SCG3: variants seen among roughly 807,000 people sequenced by gnomAD.
The protein encoded by SCG3 is secretogranin-3.
SCG3 carries 38 observed loss-of-function variants against 56.2 expected under a neutral mutation model. That is an observed-to-expected ratio of 0.68 (90% CI 0.52 to 0.89). SCG3 has a LOEUF of 0.89. SCG3 is among the 40% of genes least tolerant of loss of function. The pLI, the probability that SCG3 is intolerant of heterozygous loss-of-function variation, is 0.00. For missense variants in SCG3, 524 were observed against 540.7 expected, an observed-to-expected ratio of 0.97 and a Z score of 0.31; for synonymous variants, 176 against 184.2, an observed-to-expected ratio of 0.96 and a Z score of 0.36.
In SCG3 at chr15:51,683,257, A is replaced by G. The variant is rs751694492; in HGVS notation, c.220A>G (p.Asn74Asp). The change falls in exon 4 of 12, where the codon AAC becomes GAC. Residue 74 changes from asparagine (N) to aspartate (D), a missense_variant. Transcript: ENST00000220478. ...TCAGAGCAACTATTCTTTTGTTGAT[A>G]ACTTGAACCTGCTAAAGGCAATAAC... is the stretch of plus-strand genomic sequence containing the variant. ...PGQSNYSFVD[N>D]LNLLKAITEK... is the part of the protein sequence containing the mutation. 1.2e-6 allele frequency: 2 copies of G among 1,613,880 alleles called. No homozygotes were observed. Among genetic ancestry groups the G allele is most frequent in the East Asian group, 2.2e-5 (1 of 44,836 alleles).
chr15:51,699,232 T>C (rs2055323812), intron 8 of SCG3, 87 bp from the exon 9 acceptor site: 6 of 925,178 alleles, frequency 6.5e-6, no homozygotes, highest in Non-Finnish European at 1.0e-5. Flanking sequence ...TATTGTGATA[T>C]TTCTGGTGAG....
chr15:51,703,513 C>T (rs2055351659), intron 10 of SCG3, among the ~76,000 whole-genome samples: 1 of 152,140 alleles, frequency 6.6e-6, no homozygotes, highest in Non-Finnish European at 1.5e-5. Context: ...GCAGTGGGAG[C>T]TCCCTAAATT....
chr15:51,704,916 C>T (rs539791048), intron 10 of SCG3, among the ~76,000 whole-genome samples: 1 of 151,624 alleles, frequency 6.6e-6, no homozygotes, highest in South Asian at 2.1e-4. Flanking sequence ...TTTTCTGTAG[C>T]AGCTGCACCA....
chr15:51,684,533 C>T (rs2124590), intron 4 of SCG3, among the ~76,000 whole-genome samples: 1,633 of 152,292 alleles, frequency 0.011, 33 homozygotes, highest in East Asian at 0.094. Context: ...GCCAAGACCA[C>T]GCCACTGCAC....
chr15:51,683,311 C>A lies in SCG3; in HGVS notation c.274C>A (p.Gln92Lys). The A allele has an allele frequency of 6.2e-7, 1 of 1,613,402 alleles. No individual in the cohort carries two copies. Among genetic ancestry groups the A allele is most frequent in the Non-Finnish European group, 8.5e-7 (1 of 1,179,472 alleles). Residue 92 changes from glutamine to lysine, a missense_variant, in exon 4 of 12, where the codon CAA (glutamine) becomes AAA (lysine). By Grantham distance (53) the Gln-to-Lys change is moderately conservative (BLOSUM62 1). Coordinates refer to ENST00000220478, the MANE Select transcript of SCG3 (RefSeq NM_013243.4). ...AAAGGAAAAAATTGAGAAAGAAAGACAATCTATAAGAAGCTCCCCACTTGA... is the reference window on the plus strand; with the variant it reads ...AAAGGAAAAAATTGAGAAAGAAAGAAAATCTATAAGAAGCTCCCCACTTGA... ...TEKEKIEKERQSIRSSPLDNK... is the reference protein window; with the variant it reads ...TEKEKIEKERKSIRSSPLDNK...
chr15:51,693,975 T>C (rs1447350950), intron 7 of SCG3: 1 of 152,260 alleles, frequency 6.6e-6, no homozygotes, highest in Non-Finnish European at 1.5e-5. Flanking sequence ...TTACTATTTA[T>C]CAGTTCTTTT....
intron 11 of SCG3, among the ~76,000 whole-genome samples, chr15:51,716,745 T>G (rs28654101): frequency 0.22 from 34,021 of 152,226 alleles, 4,407 homozygotes; most frequent in Non-Finnish European, 0.28. Flanking sequence ...CACTAGCTGG[T>G]TGTCCGCTGA....
chr15:51,709,723 T>A (rs2055406244), intron 10 of SCG3, among the ~76,000 whole-genome samples: 2 of 66,510 alleles, frequency 3.0e-5, no homozygotes, highest in East Asian at 5.7e-4. Context: ...TTTTTTTTTT[T>A]TTTTTTTTTT....
chr15:51,717,679 G>A (rs1255859295), intron 11 of SCG3, among the ~76,000 whole-genome samples: 1 of 152,208 alleles, frequency 6.6e-6, no homozygotes, highest in Non-Finnish European at 1.5e-5. Context: ...TGAAGTGCAG[G>A]AGCTTCCATC....
At chr15:51,710,510 T>G (rs2055413854) in intron 10 of SCG3, among the ~76,000 whole-genome samples, 1 of 152,194 alleles carries the variant, frequency 6.6e-6, no homozygotes, top group Non-Finnish European at 1.5e-5. Flanking sequence ...ATTACATACT[T>G]TTTAAAATTC....
At chr15:51,696,299 C>T (rs2055303337) in intron 8 of SCG3, among the ~76,000 whole-genome samples, 1 of 152,140 alleles carries the variant, frequency 6.6e-6, no homozygotes, top group African/African-American at 2.4e-5. Context: ...CCTGTAATCC[C>T]AGCACTTTGG....
intron 11 of SCG3, among the ~76,000 whole-genome samples, chr15:51,717,231 G>A (rs1225653700): frequency 6.6e-6 from 1 of 152,140 alleles, no homozygotes; most frequent in Non-Finnish European, 1.5e-5. Context: ...AGCTGGGCGT[G>A]GTGGCACGTG....
intron 8 of SCG3, among the ~76,000 whole-genome samples, chr15:51,698,162 T>G (rs1308156389): frequency 6.6e-6 from 1 of 152,186 alleles, no homozygotes. Context: ...CAAGAGGAGT[T>G]TACTTGGGGA....
At position 51,698,594 on chromosome 15, in the gene SCG3, T is replaced by C. The variant is rs142269316; in HGVS notation, c.986-725T>C. Among the ~76,000 whole-genome samples, 229 of 152,352 alleles carry C rather than the reference T, an allele frequency of 1.5e-3. 4 individuals carry two copies. The highest frequency in any genetic ancestry group is 5.2e-3 in the African/African-American group (218 of 41,584). On this transcript the variant is annotated intron_variant, in intron 8 of 11. Coordinates refer to ENST00000220478, the MANE Select transcript of SCG3 (RefSeq NM_013243.4). Reference sequence around the variant, plus strand: ...AAAGGAATTTATTGCCACGTATAACTGGAGAAGTCCATGGAGGGATGGGAT... The same window carrying C: ...AAAGGAATTTATTGCCACGTATAACCGGAGAAGTCCATGGAGGGATGGGAT...
chr15:51,682,716 C>T (rs762357379), intron 2 of SCG3, 147 bp downstream of exon 2: 34 of 573,238 alleles, frequency 5.9e-5, no homozygotes, highest in Non-Finnish European at 1.8e-5. Context: ...GACGGGAAAT[C>T]TAGTTTTGGT....
chr15:51,717,525 C>A (rs1198401474), intron 11 of SCG3, among the ~76,000 whole-genome samples: 1 of 122,344 alleles, frequency 8.2e-6, no homozygotes, highest in Non-Finnish European at 1.7e-5. Flanking sequence ...ACAGTGAGAC[C>A]CTGTCAAAAA....
At chr15:51,712,440 A>AT (rs930613797) in intron 10 of SCG3, among the ~76,000 whole-genome samples, 41 of 152,304 alleles carry the variant, frequency 2.7e-4, no homozygotes, top group African/African-American at 9.4e-4. Context: ...AGAGTGGCTG[A>AT]TTTTTTTGAT....
intron 11 of SCG3, 100 bp from the exon 12 acceptor site, chr15:51,719,308 T>C (rs1305273177): frequency 7.8e-6 from 6 of 765,324 alleles, no homozygotes; most frequent in African/African-American, 5.2e-5. Flanking sequence ...GGAATGGTAA[T>C]TGTGTTATTG....
intron 4 of SCG3, among the ~76,000 whole-genome samples, chr15:51,684,632 G>T (rs749062119): frequency 3.3e-5 from 5 of 152,172 alleles, no homozygotes; most frequent in Non-Finnish European, 7.4e-5. Context: ...GCACAGTCCT[G>T]CATGGACTGC....
Sources: allele counts gnomAD v4.1 joint callset (sites outside exome capture counted in the v4.1 genomes callset), GRCh38; gene constraint gnomAD v4.1.1; transcripts MANE v1.5; gene names NCBI Gene and HGNC (gene_info 2026-07-23, HGNC 2026-07-21).